The following PNLDC1 variants were observed in gnomAD, a reference collection of about 807,000 sequenced individuals.
PNLDC1 encodes the protein poly(A)-specific ribonuclease PNLDC1.
PNLDC1 carries 70 observed loss-of-function variants against 82.0 expected under a neutral mutation model. That is an observed-to-expected ratio of 0.85 (90% CI 0.70 to 1.04). The LOEUF is 1.04. Ranked by LOEUF, PNLDC1 falls within the 50% of genes least tolerant of loss-of-function variation. PNLDC1 has a pLI of 0.00. For missense variants in PNLDC1, 631 were observed against 661.1 expected, an observed-to-expected ratio of 0.95 and a Z score of 0.50; for synonymous variants, 280 against 249.3, an observed-to-expected ratio of 1.12 and a Z score of -1.16.
intron 5 of PNLDC1, 99 bp from the exon 6 acceptor site, chr6:159,804,450 G>A (rs1781375335): frequency 8.5e-6 from 7 of 822,582 alleles, no homozygotes; most frequent in South Asian, 1.6e-5. Flanking sequence ...TATACAGCCC[G>A]TCTCCTTTCC....
chr6:159,816,883 T>C (rs1055930380), intron 14 of PNLDC1, among the ~76,000 whole-genome samples: 5 of 152,160 alleles, frequency 3.3e-5, no homozygotes, highest in Non-Finnish European at 4.4e-5. Context: ...CAGGCTGGTC[T>C]CAAACTCCTG....
Position 159,811,763 on chromosome 6 carries a change from A to C in PNLDC1, c.916A>C (p.Ser306Arg). ...ATTTCCTGTTCTCATTGATACCAAG[A>C]GTGTAACAAAGGATATCTGGAAGGT... ...SLFPVLIDTK[S>R]VTKDIWKEMN... Residue 306 changes from serine to arginine, a missense_variant, in exon 11 of 19, where the codon AGT (serine) becomes CGT (arginine). Coordinates refer to ENST00000392167, the MANE Select transcript of PNLDC1 (RefSeq NM_001271862.2). The C allele has an allele frequency of 6.2e-7, 1 of 1,611,938 alleles. No individual in the cohort carries two copies. Among genetic ancestry groups the C allele is most frequent in the Non-Finnish European group, 8.5e-7 (1 of 1,178,014 alleles).
intron 9 of PNLDC1, 39 bp downstream of exon 9, chr6:159,809,197 C>G: frequency 6.2e-7 from 1 of 1,602,464 alleles, no homozygotes; most frequent in Admixed American, 1.8e-5. Flanking sequence ...TAAAGGCAGT[C>G]TTTAGTATTT....
chr6:159,809,049 G>A lies in PNLDC1; in HGVS notation c.674G>A (p.Trp225Ter), dbSNP rs761079605. ...VVKKVSKQHR[W>*]YLQNTSCDRE... ...AAGAAAGTGAGTAAACAACATCGTT[G>A]GTATCTTCAGAACACCTCTTGTGAC... The change falls in exon 9 of 19, where the codon TGG becomes TAG. Residue 225 changes from tryptophan to a stop codon, truncating the protein, a stop_gained. Transcript: ENST00000392167. LOFTEE classifies it high-confidence loss of function. 1.9e-6 allele frequency: 3 copies of A among 1,613,518 alleles called. No homozygotes were observed. The highest frequency in any genetic ancestry group is 1.7e-5 in the Admixed American group (1 of 59,800).
intron 15 of PNLDC1, among the ~76,000 whole-genome samples, chr6:159,817,849 T>C (rs1781888778): frequency 6.6e-6 from 1 of 152,254 alleles, no homozygotes; most frequent in South Asian, 2.1e-4. Flanking sequence ...ACTGCCTATA[T>C]TTGTCCATTT....
At chr6:159,817,649 A>T (rs1180964341) in intron 15 of PNLDC1, among the ~76,000 whole-genome samples, 1 of 152,214 alleles carries the variant, frequency 6.6e-6, no homozygotes, top group Non-Finnish European at 1.5e-5. Context: ...ACCATCTTTG[A>T]TGCCTGCAGC....
At chr6:159,807,232 G>GAAAC (rs1232025091) in intron 7 of PNLDC1, among the ~76,000 whole-genome samples, 2 of 152,156 alleles carry the variant, frequency 1.3e-5, no homozygotes, top group African/African-American at 2.4e-5. Flanking sequence ...CTGATTGGTT[G>GAAAC]CTTAGACTTG....
Position 159,806,088 on chromosome 6 carries a change from G to T in PNLDC1, c.562+5G>T. ...TGACTCTTCCTGGGATCACTGGTAG[G>T]CAGGGCCTGTTCCTCCCAACGCAGG... On this transcript the variant is annotated splice_donor_5th_base_variant and intron_variant, in intron 7 of 18. Coordinates refer to ENST00000392167, the MANE Select transcript of PNLDC1 (RefSeq NM_001271862.2). 1.2e-6 allele frequency: 2 copies of T among 1,611,358 alleles called. No individual in the cohort carries two copies. The highest frequency in any genetic ancestry group is 1.7e-6 in the Non-Finnish European group (2 of 1,177,560).
At chr6:159,811,914 GTT>G in intron 11 of PNLDC1, 128 bp downstream of exon 11, 1 of 653,408 alleles carries the variant, frequency 1.5e-6, no homozygotes, top group African/African-American at 2.0e-5. Flanking sequence ...GTTTTGTTTT[GTT>G]TGAGAGGGAG....
At chr6:159,820,399 G>A in intron 18 of PNLDC1, 55 bp from the exon 19 acceptor site, 1 of 1,561,278 alleles carries the variant, frequency 6.4e-7, no homozygotes, top group Non-Finnish European at 8.8e-7. Flanking sequence ...GCCTGTGTCG[G>A]TGCCTCTCGG....
chr6:159,811,492 C>T (rs755943317), intron 10 of PNLDC1, among the ~76,000 whole-genome samples: 4 of 152,160 alleles, frequency 2.6e-5, no homozygotes, highest in Non-Finnish European at 5.9e-5. Flanking sequence ...AATAGAAAAC[C>T]GTTCGGCCTT....
At chr6:159,818,435 A>AGG in intron 15 of PNLDC1, 120 bp from the exon 16 acceptor site, 2 of 836,888 alleles carry the variant, frequency 2.4e-6, no homozygotes, top group Admixed American at 2.0e-5. Context: ...TGAGGGCAGG[A>AGG]GGGAGGGAGA....
chr6:159,807,336 A>G (rs1355423347), intron 7 of PNLDC1, among the ~76,000 whole-genome samples: 3 of 152,092 alleles, frequency 2.0e-5, no homozygotes, highest in Non-Finnish European at 2.9e-5. Flanking sequence ...GGCCAAGGCA[A>G]TGAGCTAAGA....
chr6:159,808,700 G>T (rs747305263), intron 7 of PNLDC1, 40 bp from the exon 8 acceptor site: 10 of 1,567,198 alleles, frequency 6.4e-6, no homozygotes, highest in Non-Finnish European at 8.7e-6. Flanking sequence ...CATGCCACAC[G>T]GTTCCAGGTG....
At position 159,820,662 on chromosome 6, in the gene PNLDC1, T is replaced by A. The variant is rs1258691529; in HGVS notation, c.*145T>A. ...TTCTGTTATGTCCTGAACGTGAAAT[T>A]CTGTCAACACTCTCAATGATAAATC... On this transcript the variant is annotated 3_prime_UTR_variant, in exon 19 of 19. Transcript: ENST00000392167. The A allele has an allele frequency of 6.8e-6, 5 of 732,706 alleles. No individual in the cohort carries two copies. The highest frequency in any genetic ancestry group is 1.2e-5 in the Non-Finnish European group (5 of 426,034). 45.4% of individuals were successfully genotyped at this position (732,706 alleles called of 1,614,324 possible).
intron 8 of PNLDC1, 62 bp from the exon 9 acceptor site, chr6:159,808,953 C>A (rs1210876358): frequency 1.7e-5 from 27 of 1,592,914 alleles, no homozygotes; most frequent in Non-Finnish European, 2.1e-5. Context: ...AGATGCAGAG[C>A]CATTTCTTTA....
chr6:159,802,510 G>A (rs1781298185), intron 3 of PNLDC1, among the ~76,000 whole-genome samples: 1 of 151,574 alleles, frequency 6.6e-6, no homozygotes, highest in Admixed American at 6.6e-5. Flanking sequence ...TCGTTTGTTT[G>A]TTTTTAATTA....
rs141903829 is a variant in PNLDC1 at position 159,810,051 on chromosome 6, T to C, written c.809T>C (p.Met270Thr). 715 of 1,614,146 alleles carry C rather than the reference T, an allele frequency of 4.4e-4. 2 individuals carry two copies. The African/African-American group carries it at 6.7e-3, about 15-fold the overall frequency. ...QKPLVGHNMM[M>T]DLLHLHEKFF... ...CCCTTAGTGGGACATAATATGATGA[T>C]GGACCTGCTGCACCTCCATGAGAAG... is the stretch of plus-strand genomic sequence containing the variant. The change falls in exon 10 of 19, where the codon ATG (methionine) becomes ACG (threonine). Residue 270 changes from methionine (M) to threonine (T), a missense_variant. Met to Thr is a moderately conservative substitution (Grantham distance 81). Coordinates refer to ENST00000392167, the MANE Select transcript of PNLDC1 (RefSeq NM_001271862.2).
chr6:159,813,567 ATGTTTTCCTCTGGTT>A lies in PNLDC1; in HGVS notation c.940-25_940-11del, dbSNP rs1781712644. The stretch of plus-strand genomic sequence containing the variant: ...AAACAGAGAATAAACAAAAGCGCAA[ATGTTTTCCTCTGGTT>A]TGTTTTCCATGATTGTAGGAGATGA... On this transcript the variant is annotated intron_variant, in intron 11 of 18. Coordinates refer to ENST00000392167, the MANE Select transcript of PNLDC1 (RefSeq NM_001271862.2). 1 of 1,583,536 alleles carries A rather than the reference ATGTTTTCCTCTGGTT, an allele frequency of 6.3e-7. No homozygotes were observed. The highest frequency in any genetic ancestry group is 2.2e-5 in the East Asian group (1 of 44,714).
Sources: gnomAD v4.1 joint callset for allele counts (sites outside exome capture counted in the v4.1 genomes callset) on GRCh38, gnomAD v4.1.1 for gene constraint, MANE v1.5 for transcripts, NCBI Gene and HGNC (gene_info 2026-07-23, HGNC 2026-07-21) for gene names.